RARB: variants seen among roughly 807,000 people sequenced by gnomAD.
RARB encodes the protein retinoic acid receptor beta, also known as HBV-activated protein.
In RARB, 17 loss-of-function variants were observed where a neutral mutation model predicts 51.9. The observed-to-expected ratio is 0.33, with a 90% CI of 0.22 to 0.49. The LOEUF is 0.49. Ranked by LOEUF, RARB falls within the 20% of genes least tolerant of loss-of-function variation. The pLI is 0.99. For synonymous variants in RARB, 215 were observed against 195.4 expected (o/e 1.10, Z -0.84); for missense variants, 369 against 550.8 (o/e 0.67, Z 3.30).
chr3:25,582,448 G>T (rs983597549), intron 5 of RARB, among the ~76,000 whole-genome samples: 4 of 151,866 alleles, frequency 2.6e-5, no homozygotes, highest in African/African-American at 9.7e-5. Flanking sequence ...GCCTTCCCAG[G>T]CCTCAGGCTC....
intron 5 of RARB, among the ~76,000 whole-genome samples, chr3:25,420,223 T>C (rs769508879): frequency 6.6e-6 from 1 of 152,194 alleles, no homozygotes; most frequent in South Asian, 2.1e-4. Flanking sequence ...ATTGAGCTTT[T>C]TATTTGCCTT....
intron 3 of RARB, among the ~76,000 whole-genome samples, chr3:25,109,470 T>C (rs1355225340): frequency 1.3e-5 from 2 of 152,152 alleles, no homozygotes; most frequent in African/African-American, 4.8e-5. Flanking sequence ...TTTGTACAAG[T>C]ACAAAAACAC....
At chr3:24,872,624 A>G (rs1702968686) in intron 2 of RARB, among the ~76,000 whole-genome samples, 1 of 152,082 alleles carries the variant, frequency 6.6e-6, no homozygotes, top group African/African-American at 2.4e-5. Flanking sequence ...GCCAGCCTCC[A>G]TTAAACAACC....
chr3:24,983,431 T>C (rs1006679667), intron 2 of RARB, among the ~76,000 whole-genome samples: 37 of 152,158 alleles, frequency 2.4e-4, no homozygotes, highest in African/African-American at 8.7e-4. Context: ...GTTTGTTACA[T>C]AGGTATACAT....
chr3:25,160,086 C>G (rs935110299), intron 4 of RARB, among the ~76,000 whole-genome samples: 1 of 152,206 alleles, frequency 6.6e-6, no homozygotes, highest in African/African-American at 2.4e-5. Flanking sequence ...CACACTGGTG[C>G]AAGAACCCTG....
chr3:25,564,764 A>G (rs1281275178), intron 3 of RARB, among the ~76,000 whole-genome samples: 3 of 152,084 alleles, frequency 2.0e-5, no homozygotes, highest in Non-Finnish European at 2.9e-5. Flanking sequence ...CAGGCTTGAC[A>G]GTGTTTGCTC....
chr3:25,586,874 G>C (rs929266619), intron 5 of RARB, among the ~76,000 whole-genome samples: 21 of 152,200 alleles, frequency 1.4e-4, no homozygotes, highest in African/African-American at 5.1e-4. Flanking sequence ...TTGCGCCTGG[G>C]CGTCTGTGCC....
At chr3:25,030,991 A>T (rs965670446) in intron 2 of RARB, among the ~76,000 whole-genome samples, 1 of 152,182 alleles carries the variant, frequency 6.6e-6, no homozygotes, top group Non-Finnish European at 1.5e-5. Flanking sequence ...TACTATAGGA[A>T]TGTAACCCTT....
At chr3:25,576,096 A>C (rs1332584389) in intron 4 of RARB, among the ~76,000 whole-genome samples, 3 of 140,970 alleles carry the variant, frequency 2.1e-5, no homozygotes, top group Non-Finnish European at 4.6e-5. Context: ...CAAAAGCAAT[A>C]GCATGAACAC....
intron 5 of RARB, among the ~76,000 whole-genome samples, chr3:25,304,824 T>C (rs1704119886): frequency 6.6e-6 from 1 of 152,148 alleles, no homozygotes. Context: ...ATGGCCTCCA[T>C]CTCCTTTAGA....
chr3:25,156,829 TA>T (rs750338672), intron 4 of RARB, among the ~76,000 whole-genome samples: 7 of 152,212 alleles, frequency 4.6e-5, no homozygotes, highest in Non-Finnish European at 1.0e-4. Flanking sequence ...AGAACAAGGC[TA>T]AAAGAGGTGC....
intron 2 of RARB, among the ~76,000 whole-genome samples, chr3:24,986,797 CA>C (rs1696803003): frequency 3.3e-5 from 5 of 152,076 alleles, no homozygotes; most frequent in South Asian, 2.1e-4. Flanking sequence ...TCGCAGCCTT[CA>C]CCCTGTTAAC....
At chr3:25,013,011 A>C (rs1447411569) in intron 2 of RARB, among the ~76,000 whole-genome samples, 1 of 152,040 alleles carries the variant, frequency 6.6e-6, no homozygotes, top group Non-Finnish European at 1.5e-5. Flanking sequence ...GTGTCTATGG[A>C]GAAAGGGTAG....
At chr3:25,574,385 T>G (rs1700836250) in intron 4 of RARB, among the ~76,000 whole-genome samples, 1 of 152,234 alleles carries the variant, frequency 6.6e-6, no homozygotes, top group Non-Finnish European at 1.5e-5. Context: ...TTGCACAGTT[T>G]CCGGCACAGA....
At chr3:25,123,663 C>G (rs904617218) in intron 3 of RARB, among the ~76,000 whole-genome samples, 1 of 152,172 alleles carries the variant, frequency 6.6e-6, no homozygotes, top group Non-Finnish European at 1.5e-5. Flanking sequence ...AAGCTCATCT[C>G]TTTCTTGTAA....
intron 5 of RARB, among the ~76,000 whole-genome samples, chr3:25,319,426 T>G (rs77836978): frequency 0.021 from 3,222 of 152,298 alleles, 109 homozygotes; most frequent in African/African-American, 0.072. Context: ...GCTTTGAGTA[T>G]TTTGAATCTG....
chr3:24,995,753 T>C (rs910151915), intron 2 of RARB, among the ~76,000 whole-genome samples: 2 of 152,134 alleles, frequency 1.3e-5, no homozygotes, highest in African/African-American at 4.8e-5. Flanking sequence ...ATTGATGTGA[T>C]TAATGGCATT....
At chr3:25,147,545 T>C (rs1700214100) in intron 4 of RARB, among the ~76,000 whole-genome samples, 1 of 152,216 alleles carries the variant, frequency 6.6e-6, no homozygotes, top group South Asian at 2.1e-4. Context: ...AATTCCAGTT[T>C]TGAATGAAAG....
chr3:25,387,249 T>C (rs1478935499), intron 5 of RARB, among the ~76,000 whole-genome samples: 1 of 152,150 alleles, frequency 6.6e-6, no homozygotes, highest in Non-Finnish European at 1.5e-5. Flanking sequence ...GTTTCCTGGA[T>C]GGACAGGAGG....
Sources: allele counts gnomAD v4.1 joint callset (sites outside exome capture counted in the v4.1 genomes callset), GRCh38; gene constraint gnomAD v4.1.1; transcripts MANE v1.5; gene names NCBI Gene and HGNC (gene_info 2026-07-23, HGNC 2026-07-21).